Variants in DYM observed in about 807,000 individuals in gnomAD.
DYM encodes dyggve-Melchior-Clausen syndrome protein.
DYM carries 78 observed loss-of-function variants against 93.1 expected under a neutral mutation model. The observed-to-expected ratio is 0.84, with a 90% confidence interval of 0.70 to 1.01. The LOEUF (loss-of-function observed/expected upper bound fraction) is 1.01, where lower values mean the gene tolerates loss of function less well. Ranked by LOEUF, DYM falls within the 50% of genes least tolerant of loss-of-function variation. The pLI is 0.00. For synonymous variants in DYM, 321 were observed against 319.7 expected, an observed-to-expected ratio of 1.00 and a Z score of -0.04; for missense variants, 789 against 845.0, an observed-to-expected ratio of 0.93 and a Z score of 0.82.
chr18:49,218,642 C>A (rs1182996634), intron 13 of DYM, among the ~76,000 whole-genome samples: 1 of 152,088 alleles, frequency 6.6e-6, no homozygotes, highest in Non-Finnish European at 1.5e-5. Context: ...GAACAACCTG[C>A]TCCTGAATGA....
intron 13 of DYM, among the ~76,000 whole-genome samples, chr18:49,225,297 C>T (rs1337193170): frequency 6.6e-6 from 1 of 152,072 alleles, no homozygotes; most frequent in Non-Finnish European, 1.5e-5. Context: ...GAATGAATGT[C>T]AGGAAACTAT....
intron 14 of DYM, among the ~76,000 whole-genome samples, chr18:49,202,610 A>C (rs1452988647): frequency 3.3e-5 from 3 of 89,956 alleles, no homozygotes; most frequent in Non-Finnish European, 6.6e-5. Flanking sequence ...CCGGCCGCCC[A>C]TTGTCTGAGA....
Position 49,282,189 on chromosome 18 carries a change from A to T in DYM, c.947-14T>A, listed in dbSNP as rs1266621762. 1 of 1,611,050 alleles carries T rather than the reference A, an allele frequency of 6.2e-7. No homozygotes were observed. Among genetic ancestry groups the T allele is most frequent in the South Asian group, 1.1e-5 (1 of 91,034 alleles). ...AAGGACTGCTATCTGGAATACAGAAAACAGCACATCAGTAATTTCTAGCTG... is the reference window on the plus strand; with the variant it reads ...AAGGACTGCTATCTGGAATACAGAATACAGCACATCAGTAATTTCTAGCTG... On this transcript the variant is annotated splice_polypyrimidine_tract_variant and intron_variant, in intron 9 of 17. Transcript: ENST00000675505.
intron 17 of DYM, among the ~76,000 whole-genome samples, chr18:49,058,864 T>A (rs1384457500): frequency 4.6e-5 from 7 of 152,192 alleles, no homozygotes; most frequent in Non-Finnish European, 1.0e-4. Context: ...ACCTTTTTTT[T>A]TAAATCAAAA....
intron 14 of DYM, among the ~76,000 whole-genome samples, chr18:49,185,525 T>TA: frequency 6.6e-6 from 1 of 152,184 alleles, no homozygotes; most frequent in East Asian, 1.9e-4. Flanking sequence ...CATCAATTAC[T>TA]GAAATATTGC....
chr18:49,326,144 A>G (rs1322900993), intron 8 of DYM, among the ~76,000 whole-genome samples: 3 of 152,166 alleles, frequency 2.0e-5, no homozygotes, highest in Non-Finnish European at 2.9e-5. Flanking sequence ...ACTACAACAC[A>G]TATTTTTTTT....
intron 11 of DYM, among the ~76,000 whole-genome samples, chr18:49,268,047 C>T (rs1030303448): frequency 1.3e-5 from 2 of 152,002 alleles, no homozygotes; most frequent in African/African-American, 2.4e-5. Flanking sequence ...TGTGAATCTA[C>T]AATTATTTCA....
At chr18:49,257,475 T>C (rs1230670981) in intron 12 of DYM, among the ~76,000 whole-genome samples, 1 of 152,112 alleles carries the variant, frequency 6.6e-6, no homozygotes, top group Non-Finnish European at 1.5e-5. Flanking sequence ...TTCTAAAACA[T>C]AGCTGGCTCC....
intron 6 of DYM, among the ~76,000 whole-genome samples, chr18:49,341,287 G>A (rs1464396824): frequency 3.9e-5 from 6 of 151,980 alleles, no homozygotes; most frequent in African/African-American, 9.7e-5. Flanking sequence ...TCAGGAGATC[G>A]AGACCATCCT....
intron 6 of DYM, among the ~76,000 whole-genome samples, chr18:49,348,524 G>A (rs935117743): frequency 1.3e-5 from 2 of 151,746 alleles, no homozygotes; most frequent in Non-Finnish European, 2.9e-5. Flanking sequence ...TACCGTTATC[G>A]ACCACATTAC....
chr18:49,134,015 T>C (rs906626540), intron 15 of DYM, among the ~76,000 whole-genome samples: 5 of 152,178 alleles, frequency 3.3e-5, no homozygotes, highest in African/African-American at 1.2e-4. Context: ...TAAAATGAGA[T>C]ATCATGTAAC....
intron 15 of DYM, among the ~76,000 whole-genome samples, chr18:49,135,827 G>A (rs2083792132): frequency 6.6e-6 from 1 of 152,190 alleles, no homozygotes; most frequent in Admixed American, 6.5e-5. Context: ...TTAATCTCCT[G>A]AGAAAATATT....
intron 1 of DYM, among the ~76,000 whole-genome samples, chr18:49,432,491 TA>T (rs200087440): frequency 0.011 from 1,674 of 145,580 alleles, 29 homozygotes; most frequent in African/African-American, 0.04. Context: ...ATAAAATGTT[TA>T]AAAAAAAAAG....
chr18:49,439,403 C>A (rs1307190002), intron 1 of DYM, among the ~76,000 whole-genome samples: 1 of 152,162 alleles, frequency 6.6e-6, no homozygotes, highest in African/African-American at 2.4e-5. Flanking sequence ...CTCTCCACTA[C>A]TCCCCTAAAG....
At chr18:49,271,222 C>T (rs2094689228) in intron 11 of DYM, among the ~76,000 whole-genome samples, 1 of 151,712 alleles carries the variant, frequency 6.6e-6, no homozygotes, top group Non-Finnish European at 1.5e-5. Context: ...TATTAGTACA[C>T]AAATAAAAAA....
chr18:49,202,890 C>T (rs1463287940), intron 14 of DYM, among the ~76,000 whole-genome samples: 8 of 128,068 alleles, frequency 6.2e-5, no homozygotes, highest in African/African-American at 1.4e-4. Flanking sequence ...CCACCCCGTC[C>T]GGGAGGGAGG....
intron 14 of DYM, among the ~76,000 whole-genome samples, chr18:49,201,715 T>A (rs1600589422): frequency 6.6e-6 from 1 of 152,244 alleles, no homozygotes; most frequent in Admixed American, 6.5e-5. Flanking sequence ...TATGTGAACT[T>A]CTGGACTTGA....
At chr18:49,137,648 T>C (rs1385829568) in intron 15 of DYM, among the ~76,000 whole-genome samples, 1 of 152,188 alleles carries the variant, frequency 6.6e-6, no homozygotes, top group Non-Finnish European at 1.5e-5. Flanking sequence ...ATAATTCTCT[T>C]TGGTCAGCTG....
At chr18:49,442,413 T>C (rs1028806404) in intron 1 of DYM, among the ~76,000 whole-genome samples, 5 of 151,646 alleles carry the variant, frequency 3.3e-5, no homozygotes, top group African/African-American at 1.2e-4. Context: ...AGCCCAGACA[T>C]GGTGGTGCAC....
Sources: gnomAD v4.1 joint callset for allele counts (sites outside exome capture counted in the v4.1 genomes callset) on GRCh38, gnomAD v4.1.1 for gene constraint, MANE v1.5 for transcripts, NCBI Gene and HGNC (gene_info 2026-07-23, HGNC 2026-07-21) for gene names.